LIN52: variants seen among roughly 807,000 people sequenced by gnomAD.
The protein encoded by LIN52 is protein lin-52 homolog.
A neutral mutation model predicts 18.5 loss-of-function variants in LIN52; 4 were observed. The ratio of observed to expected loss-of-function variants is 0.22; its 90% CI spans 0.11 to 0.49. The LOEUF (loss-of-function observed/expected upper bound fraction) is 0.49, where lower values mean the gene tolerates loss of function less well. Among genes scored for constraint, LIN52 ranks in the 20% least tolerant of loss-of-function variants. The probability of loss-of-function intolerance (pLI) is 0.97; values close to 1 mark genes in which losing one functional copy is unlikely to be tolerated. For synonymous variants in LIN52, 34 were observed against 45.5 expected (o/e 0.75, Z 1.02); for missense variants, 102 against 139.5 (o/e 0.73, Z 1.35).
chr14:74,085,144 C>G, intron 1 of LIN52, 151 bp downstream of exon 1: 1 of 678,694 alleles, frequency 1.5e-6, no homozygotes. Context: ...TCGCCGTCTT[C>G]AGCTCACCGG....
intron 5 of LIN52, among the ~76,000 whole-genome samples, chr14:74,136,507 G>T (rs574591663): frequency 3.9e-5 from 6 of 152,284 alleles, no homozygotes; most frequent in African/African-American, 1.4e-4. Context: ...TTTTTCTTCT[G>T]ATAGGAGGGA....
At chr14:74,118,685 G>A (rs1245572363) in intron 5 of LIN52, among the ~76,000 whole-genome samples, 1 of 152,082 alleles carries the variant, frequency 6.6e-6, no homozygotes, top group African/African-American at 2.4e-5. Flanking sequence ...GAGGTGGGAG[G>A]ATCACCTGAA....
At chr14:74,152,277 AG>A (rs2061179895) in intron 5 of LIN52, among the ~76,000 whole-genome samples, 1 of 151,504 alleles carries the variant, frequency 6.6e-6, no homozygotes, top group African/African-American at 2.4e-5. Flanking sequence ...AAAAAAAAAA[AG>A]AATGCTGTGT....
intron 5 of LIN52, among the ~76,000 whole-genome samples, chr14:74,148,230 A>G (rs960321673): frequency 3.3e-5 from 5 of 152,130 alleles, no homozygotes; most frequent in African/African-American, 4.8e-5. Context: ...TAGATTGGAA[A>G]TAATCTCCTG....
chr14:74,160,770 G>A (rs2061220935), intron 5 of LIN52, among the ~76,000 whole-genome samples: 1 of 152,146 alleles, frequency 6.6e-6, no homozygotes, highest in Non-Finnish European at 1.5e-5. Context: ...ACTTTGCTCA[G>A]TGTGATTTAA....
At chr14:74,153,907 C>T (rs2061187411) in intron 5 of LIN52, among the ~76,000 whole-genome samples, 1 of 152,100 alleles carries the variant, frequency 6.6e-6, no homozygotes, top group Non-Finnish European at 1.5e-5. Flanking sequence ...GTGTTTTGGC[C>T]AGCTTCTGAT....
At chr14:74,145,722 G>A (rs1314836519) in intron 5 of LIN52, among the ~76,000 whole-genome samples, 1 of 152,204 alleles carries the variant, frequency 6.6e-6, no homozygotes, top group Non-Finnish European at 1.5e-5. Flanking sequence ...TCCACAGTAG[G>A]GAGAACTTGA....
At position 74,182,098 on chromosome 14, in the gene LIN52, C is replaced by A. The variant is rs1007898; in HGVS notation, c.284-16824C>A. Among the ~76,000 whole-genome samples the A allele has an allele frequency of 5.0e-3, 758 of 152,310 alleles. 5 individuals carry two copies. Among genetic ancestry groups the A allele is most frequent in the Admixed American group, 0.01 (156 of 15,300 alleles). On this transcript the variant is annotated intron_variant, in intron 5 of 5. Coordinates refer to ENST00000555028, the MANE Select transcript of LIN52 (RefSeq NM_001024674.3). Reference sequence around the variant, plus strand: ...CAATCTCGGCTCACTGCAACTTCTGCCTCCCAGGCTCAAGCAGTCCTCCCA... The same window carrying A: ...CAATCTCGGCTCACTGCAACTTCTGACTCCCAGGCTCAAGCAGTCCTCCCA...
intron 5 of LIN52, among the ~76,000 whole-genome samples, chr14:74,187,251 A>G (rs1270159559): frequency 1.3e-5 from 2 of 152,200 alleles, no homozygotes; most frequent in African/African-American, 4.8e-5. Flanking sequence ...TGGGGTTTGA[A>G]TATGTCTAAT....
intron 5 of LIN52, among the ~76,000 whole-genome samples, chr14:74,185,487 G>A (rs1018582397): frequency 2.6e-5 from 4 of 151,450 alleles, no homozygotes; most frequent in Non-Finnish European, 4.4e-5. Context: ...CTAATTTTTT[G>A]TATTTTTAGT....
chr14:74,175,752 C>CACACACACACA lies in LIN52; in HGVS notation c.284-23170_284-23169insACACACACACA, dbSNP rs1566867516. Among the ~76,000 whole-genome samples the CACACACACACA allele has an allele frequency of 4.0e-3, 461 of 116,120 alleles. 6 individuals are homozygous for CACACACACACA. The highest frequency in any genetic ancestry group is 0.013 in the African/African-American group (311 of 24,070). 76.2% of individuals were successfully genotyped at this position (116,120 alleles called of 152,430 possible). ...CACACACACACACACACACACACAC[C>CACACACACACA]CCCATTATACAGCTATACCAAAATC... On this transcript the variant is annotated intron_variant, in intron 5 of 5. Transcript: ENST00000555028.
chr14:74,140,852 G>A (rs2061126541), intron 5 of LIN52, among the ~76,000 whole-genome samples: 1 of 152,208 alleles, frequency 6.6e-6, no homozygotes, highest in South Asian at 2.1e-4. Flanking sequence ...TGGCCCTGGA[G>A]CTGGTTGGCA....
chr14:74,165,113 G>C (rs568379990), intron 5 of LIN52, among the ~76,000 whole-genome samples: 15 of 152,268 alleles, frequency 9.9e-5, no homozygotes, highest in Non-Finnish European at 2.1e-4. Context: ...GTAAGGAAAA[G>C]TAATCATAGT....
chr14:74,165,508 C>CT (rs1363878035), intron 5 of LIN52, among the ~76,000 whole-genome samples: 1 of 76,440 alleles, frequency 1.3e-5, no homozygotes, highest in East Asian at 6.6e-4. Flanking sequence ...TACAGGTTTT[C>CT]TTTTCTTTTT....
intron 5 of LIN52, among the ~76,000 whole-genome samples, chr14:74,126,526 T>C (rs1263897673): frequency 6.6e-6 from 1 of 152,208 alleles, no homozygotes; most frequent in East Asian, 1.9e-4. Flanking sequence ...ATGTGGTATA[T>C]CCATACAGTG....
Position 74,085,190 on chromosome 14 carries a change from C to T in LIN52, c.19+197C>T, listed in dbSNP as rs2060717023. On this transcript the variant is annotated intron_variant, in intron 1 of 5. Coordinates refer to ENST00000555028, the MANE Select transcript of LIN52 (RefSeq NM_001024674.3). The stretch of plus-strand genomic sequence containing the variant: ...CAGCTCCGGAGGTGCCCAGTTTCCC[C>T]GCTCTGTACCAGGCGTGTGGAGGAG... 12 of 422,918 alleles carry T rather than the reference C, an allele frequency of 2.8e-5. No homozygotes were observed. In the Admixed American group the frequency reaches 4.9e-4, roughly 17 times the overall value. 26.2% of individuals were successfully genotyped at this position (422,918 alleles called of 1,614,324 possible).
chr14:74,118,246 G>C (rs1358611811), intron 5 of LIN52, among the ~76,000 whole-genome samples: 1 of 152,128 alleles, frequency 6.6e-6, no homozygotes, highest in Non-Finnish European at 1.5e-5. Context: ...GGATGACAGA[G>C]TGAGACCCTG....
chr14:74,180,474 G>A (rs2061313752), intron 5 of LIN52, among the ~76,000 whole-genome samples: 1 of 151,654 alleles, frequency 6.6e-6, no homozygotes, highest in Non-Finnish European at 1.5e-5. Flanking sequence ...GTTTCACCGT[G>A]GTCTCGATCT....
intron 5 of LIN52, among the ~76,000 whole-genome samples, chr14:74,104,149 A>G (rs1221744258): frequency 6.6e-6 from 1 of 151,930 alleles, no homozygotes; most frequent in East Asian, 1.9e-4. Context: ...CACCTGCCTC[A>G]GCATCCCAAA....
Sources: gnomAD v4.1 joint callset for allele counts (sites outside exome capture counted in the v4.1 genomes callset) on GRCh38, gnomAD v4.1.1 for gene constraint, MANE v1.5 for transcripts, NCBI Gene and HGNC (gene_info 2026-07-23, HGNC 2026-07-21) for gene names.